ABLIM1: variants seen among roughly 807,000 people sequenced by gnomAD.
The protein encoded by ABLIM1 is actin-binding LIM protein 1.
ABLIM1 carries 40 observed loss-of-function variants against 107.0 expected under a neutral mutation model. That is an observed-to-expected ratio of 0.37 (90% confidence interval 0.29 to 0.49). The LOEUF is 0.49. Ranked by LOEUF, ABLIM1 falls within the 20% of genes least tolerant of loss-of-function variation. ABLIM1 has a pLI of 0.97. For synonymous variants in ABLIM1, 357 were observed against 357.3 expected (o/e 1.00, Z 0.01); for missense variants, 857 against 1,008.5 (o/e 0.85, Z 2.04).
At chr10:114,583,452 CACACACACACACACACATATATATATAT>C (rs2073751545) in intron 2 of ABLIM1, among the ~76,000 whole-genome samples, 19 of 26,832 alleles carry the variant, frequency 7.1e-4, no homozygotes, top group East Asian at 3.0e-3. Context: ...CACACACACA[CACACACACACACACACATATATATATAT>C]ATATATATAT....
chr10:114,667,813 C>T (rs966170005), intron 1 of ABLIM1, among the ~76,000 whole-genome samples: 3 of 152,204 alleles, frequency 2.0e-5, no homozygotes, highest in Admixed American at 6.5e-5. Flanking sequence ...GTTTTTGAGA[C>T]TCATCCATAT....
intron 1 of ABLIM1, among the ~76,000 whole-genome samples, chr10:114,641,997 G>A (rs929283227): frequency 1.3e-5 from 2 of 151,972 alleles, no homozygotes; most frequent in African/African-American, 2.4e-5. Flanking sequence ...GCCCTCCCAC[G>A]TCAGCCTCCC....
chr10:114,746,523 T>G (rs1451193998), intron 1 of ABLIM1, among the ~76,000 whole-genome samples: 1 of 152,238 alleles, frequency 6.6e-6, no homozygotes, highest in Admixed American at 6.5e-5. Flanking sequence ...ACTTGGCTAT[T>G]GTGAATAGTG....
intron 6 of ABLIM1, among the ~76,000 whole-genome samples, chr10:114,544,128 A>G (rs1034117705): frequency 6.6e-6 from 1 of 152,226 alleles, no homozygotes; most frequent in Non-Finnish European, 1.5e-5. Flanking sequence ...GGAAGGTGGA[A>G]CATGGCTCCG....
At chr10:114,738,863 C>T (rs956040542) in intron 1 of ABLIM1, among the ~76,000 whole-genome samples, 1 of 151,834 alleles carries the variant, frequency 6.6e-6, no homozygotes, top group South Asian at 2.1e-4. Flanking sequence ...TCAGGATGCA[C>T]AAGGACATGC....
chr10:114,461,719 T>G (rs1477634278), intron 12 of ABLIM1, among the ~76,000 whole-genome samples: 1 of 152,024 alleles, frequency 6.6e-6, no homozygotes, highest in Non-Finnish European at 1.5e-5. Flanking sequence ...CTCAGGAGGC[T>G]GAGGCATAAG....
chr10:114,559,945 CAA>C (rs2069429923), intron 4 of ABLIM1, among the ~76,000 whole-genome samples: 1 of 152,076 alleles, frequency 6.6e-6, no homozygotes, highest in African/African-American at 2.4e-5. Context: ...AGAAAGCAAA[CAA>C]GAGAGGAAGA....
intron 2 of ABLIM1, among the ~76,000 whole-genome samples, chr10:114,598,704 A>G (rs2075698618): frequency 6.6e-6 from 1 of 152,226 alleles, no homozygotes; most frequent in Admixed American, 6.5e-5. Context: ...AATACTTTTT[A>G]TATTACTTGT....
At chr10:114,536,969 G>A (rs1313058746) in intron 6 of ABLIM1, among the ~76,000 whole-genome samples, 1 of 152,170 alleles carries the variant, frequency 6.6e-6, no homozygotes, top group Admixed American at 6.5e-5. Flanking sequence ...CAAAGTCACT[G>A]ATTTTCAGTG....
chr10:114,494,980 T>C (rs1055587681), intron 6 of ABLIM1, among the ~76,000 whole-genome samples: 1 of 152,140 alleles, frequency 6.6e-6, no homozygotes, highest in Admixed American at 6.5e-5. Flanking sequence ...AACCCCCTCA[T>C]CAATCCTGTA....
At chr10:114,493,943 A>T (rs2059346460) in intron 6 of ABLIM1, among the ~76,000 whole-genome samples, 2 of 152,210 alleles carry the variant, frequency 1.3e-5, no homozygotes, top group Admixed American at 6.5e-5. Flanking sequence ...ACACACAAAA[A>T]ATACACTTTT....
chr10:114,788,413 C>G, the ABLIM1 span, among the ~76,000 whole-genome samples: 2 of 129,050 alleles, frequency 1.5e-5, no homozygotes, highest in Non-Finnish European at 3.3e-5. Flanking sequence ...GAGTCAACTC[C>G]AAAAAAAAAA....
chr10:114,565,303 T>C (rs980808246), intron 4 of ABLIM1, among the ~76,000 whole-genome samples: 1 of 152,230 alleles, frequency 6.6e-6, no homozygotes, highest in African/African-American at 2.4e-5. Flanking sequence ...TTTATACTGG[T>C]AGAAAATATC....
chr10:114,601,941 G>A lies in ABLIM1; in HGVS notation c.265C>T (p.His89Tyr), dbSNP rs1049340759. The change falls in exon 2 of 23, where the codon CAC (histidine) becomes TAC (tyrosine). Residue 89 changes from histidine (H) to tyrosine (Y), a missense_variant. By Grantham distance (83) the His-to-Tyr change is moderately conservative. Around this residue, in one of 5 missense-constraint regions of ABLIM1, gnomAD observed 176 missense variants for 173.5 expected, o/e 1.01. Coordinates refer to ENST00000533213, the MANE Select transcript of ABLIM1 (RefSeq NM_002313.7). ...DPFVAHPQDP[H>Y]HPSEKPVIHC... ...ATGACAGGCTTCTCTGATGGGTGGT[G>A]AGGGTCCTGAGGGTGGGCCACTGAA... 11 of 1,614,080 alleles carry A rather than the reference G, an allele frequency of 6.8e-6. No individual in the cohort carries two copies. The Admixed American group carries it at 8.3e-5, about 12-fold the overall frequency.
the ABLIM1 span, among the ~76,000 whole-genome samples, chr10:114,783,283 T>C: frequency 2.0e-5 from 3 of 149,802 alleles, no homozygotes; most frequent in Non-Finnish European, 4.4e-5. Context: ...CAAAAATAAA[T>C]AAATAAATAA....
intron 1 of ABLIM1, among the ~76,000 whole-genome samples, chr10:114,748,647 GTT>G (rs869107304): frequency 1.4e-5 from 2 of 139,530 alleles, no homozygotes; most frequent in Non-Finnish European, 3.1e-5. Flanking sequence ...AGCAACAGAA[GTT>G]TTTTTTTTTC....
chr10:114,457,995 C>G (rs1411481222), intron 12 of ABLIM1, among the ~76,000 whole-genome samples: 1 of 152,112 alleles, frequency 6.6e-6, no homozygotes, highest in South Asian at 2.1e-4. Context: ...ATTGCTTGAA[C>G]CCGGGAGGTG....
At chr10:114,453,655 G>C (rs1156610081) in intron 12 of ABLIM1, among the ~76,000 whole-genome samples, 172 bp from the exon 13 acceptor site, 1 of 152,172 alleles carries the variant, frequency 6.6e-6, no homozygotes, top group East Asian at 1.9e-4. Context: ...GTGATATCAG[G>C]TTTAGTTTTC....
At chr10:114,755,220 C>T (rs912732707) in intron 1 of ABLIM1, among the ~76,000 whole-genome samples, 1 of 152,144 alleles carries the variant, frequency 6.6e-6, no homozygotes, top group African/African-American at 2.4e-5. Context: ...ACTGTGCATG[C>T]GAAGGATATA....
Sources: gnomAD v4.1 joint callset for allele counts (sites outside exome capture counted in the v4.1 genomes callset) on GRCh38, gnomAD v4.1.1 for gene constraint, gnomAD v4.1.1 regional missense constraint, MANE v1.5 for transcripts, NCBI Gene and HGNC (gene_info 2026-07-23, HGNC 2026-07-21) for gene names.